Variants in FZD6 observed in about 807,000 individuals in gnomAD.
FZD6 encodes the protein frizzled class receptor 6.
FZD6 carries 49 observed loss-of-function variants against 61.4 expected under a neutral mutation model. That is an observed-to-expected ratio of 0.80 (90% CI 0.63 to 1.01). The LOEUF is 1.01. FZD6 is among the 50% of genes least tolerant of loss of function. The pLI is 0.00. For missense variants in FZD6, 724 were observed against 848.2 expected (o/e 0.85, Z 1.82); for synonymous variants, 265 against 292.2 (o/e 0.91, Z 0.95).
chr8:103,331,187 A>AC (rs11391112), intron 6 of FZD6, among the ~76,000 whole-genome samples, 154 bp from the exon 7 acceptor site: 1 of 151,746 alleles, frequency 6.6e-6, no homozygotes, highest in African/African-American at 2.4e-5. Context: ...TCAAAAAAAA[A>AC]ATTTGTATTT....
chr8:103,303,441 G>A (rs1303962222), intron 2 of FZD6, among the ~76,000 whole-genome samples: 1 of 152,030 alleles, frequency 6.6e-6, no homozygotes, highest in South Asian at 2.1e-4. Context: ...TACTTATAAT[G>A]TACAGTTGTT....
chr8:103,327,006 TGG>T (rs1814970327), intron 4 of FZD6, among the ~76,000 whole-genome samples: 1 of 152,234 alleles, frequency 6.6e-6, no homozygotes, highest in Non-Finnish European at 1.5e-5. Context: ...AACCACTGTG[TGG>T]TGAAACAATA....
upstream of FZD6, chr8:103,298,824 C>G (rs1318050501): frequency 1.2e-5 from 2 of 163,070 alleles, no homozygotes; most frequent in Non-Finnish European, 2.5e-5. Flanking sequence ...CCCGGACCTG[C>G]CCGCCCGACC....
At chr8:103,303,792 T>C (rs1441030754) in intron 2 of FZD6, among the ~76,000 whole-genome samples, 1 of 151,988 alleles carries the variant, frequency 6.6e-6, no homozygotes, top group Non-Finnish European at 1.5e-5. Flanking sequence ...CTATTTTGTT[T>C]CCCACATTAG....
At position 103,298,988 on chromosome 8, in the gene FZD6, C is replaced by T. The variant is rs1016510157; in HGVS notation, c.-160C>T. 2.0e-5 allele frequency: 3 copies of T among 152,488 alleles called. No homozygotes were observed. The highest frequency in any genetic ancestry group is 4.8e-5 in the African/African-American group (2 of 41,462). The allele number at this position is 152,488 out of a possible 1,614,324, so 9.4% of individuals were successfully genotyped here. On this transcript the variant is annotated 5_prime_UTR_variant, in exon 1 of 7. Coordinates refer to ENST00000358755, the MANE Select transcript of FZD6 (RefSeq NM_003506.4). The stretch of plus-strand genomic sequence containing the variant: ...GGAAGGGACAGCGGCCTTCGACCGC[C>T]CCCCGAGGTGAGGCTTCCACGGCTG...
chr8:103,304,317 A>G (rs1235674042), intron 2 of FZD6, among the ~76,000 whole-genome samples: 2 of 152,218 alleles, frequency 1.3e-5, no homozygotes, highest in Non-Finnish European at 2.9e-5. Flanking sequence ...CTGTGATTAT[A>G]TGAGATGGTT....
Position 103,324,965 on chromosome 8 carries a change from A to G in FZD6, c.859A>G (p.Met287Val). The G allele has an allele frequency of 1.2e-6, 2 of 1,614,086 alleles. No individual in the cohort carries two copies. Among genetic ancestry groups the G allele is most frequent in the Non-Finnish European group, 8.5e-7 (1 of 1,180,000 alleles). The change falls in exon 4 of 7, where the codon ATG becomes GTG. Residue 287 changes from methionine to valine, a missense_variant. Physicochemically the swap from Met to Val is conservative, Grantham distance 21. Transcript: ENST00000358755. ...SQNKACTVLF[M>V]LLYFFTMAGT... ...AAATAAGGCTTGCACCGTTTTGTTCATGCTTTTGTATTTTTTCACAATGGC... is the reference window on the plus strand; with the variant it reads ...AAATAAGGCTTGCACCGTTTTGTTCGTGCTTTTGTATTTTTTCACAATGGC...
chr8:103,320,450 AG>A lies in FZD6; in HGVS notation c.374+1666del, dbSNP rs535425310. Among the ~76,000 whole-genome samples the A allele has an allele frequency of 1.2e-3, 185 of 152,220 alleles. 3 individuals are homozygous for A. The highest frequency in any genetic ancestry group is 4.3e-3 in the African/African-American group (177 of 41,548). On this transcript the variant is annotated intron_variant, in intron 3 of 6. Coordinates refer to ENST00000358755, the MANE Select transcript of FZD6 (RefSeq NM_003506.4). ...TCAGATGGATTCAGTGCAAAGATAA[AG>A]GTGCACTAAAAAATGAAGGATAATG...
At chr8:103,308,357 A>G (rs1307488167) in intron 2 of FZD6, among the ~76,000 whole-genome samples, 2 of 152,168 alleles carry the variant, frequency 1.3e-5, no homozygotes, top group African/African-American at 4.8e-5. Context: ...AGTTCTGTAG[A>G]ACTCTTCCAA....
At chr8:103,317,767 G>A (rs1321285807) in intron 2 of FZD6, among the ~76,000 whole-genome samples, 3 of 151,200 alleles carry the variant, frequency 2.0e-5, no homozygotes, top group Admixed American at 6.6e-5. Flanking sequence ...CAGAGGTTGT[G>A]GTGAGCTGAG....
At chr8:103,304,783 A>G (rs2948449) in intron 2 of FZD6, among the ~76,000 whole-genome samples, 27,263 of 152,190 alleles carry the variant, frequency 0.18, 2,657 homozygotes, top group Middle Eastern at 0.32. Flanking sequence ...ATAAGTGGAC[A>G]TTATTGTGCA....
intron 1 of FZD6, among the ~76,000 whole-genome samples, chr8:103,299,294 G>A (rs74949239): frequency 0.025 from 3,734 of 152,330 alleles, 159 homozygotes; most frequent in African/African-American, 0.085. Context: ...GTGTGTTGGG[G>A]CGCGGGTAAT....
intron 3 of FZD6, among the ~76,000 whole-genome samples, chr8:103,323,142 T>C (rs1022641443): frequency 8.5e-5 from 13 of 152,196 alleles, no homozygotes; most frequent in African/African-American, 3.1e-4. Context: ...TATAAGGTTA[T>C]AGTTAGTAAA....
At chr8:103,308,721 C>T (rs1350663047) in intron 2 of FZD6, among the ~76,000 whole-genome samples, 3 of 152,146 alleles carry the variant, frequency 2.0e-5, no homozygotes, top group African/African-American at 7.2e-5. Flanking sequence ...ATCTATCCAG[C>T]CACTTGAAGA....
Position 103,332,545 on chromosome 8 carries a change from A to G in FZD6, c.*1036A>G, listed in dbSNP as rs1815172463. 1 of 152,398 alleles carries G rather than the reference A, an allele frequency of 6.6e-6. No individual in the cohort carries two copies. The highest frequency in any genetic ancestry group is 1.5e-5 in the Non-Finnish European group (1 of 68,014). The allele number at this position is 152,398 out of a possible 1,614,324, so 9.4% of individuals were successfully genotyped here. ...GTGATAGCGATATTAGTGCCAATCA[A>G]ATGGAAAAAAGGTAGTTTTAATAAA... On this transcript the variant is annotated 3_prime_UTR_variant, in exon 7 of 7. Transcript: ENST00000358755.
intron 2 of FZD6, among the ~76,000 whole-genome samples, chr8:103,310,017 G>T (rs915057577): frequency 6.6e-6 from 1 of 152,086 alleles, no homozygotes; most frequent in Non-Finnish European, 1.5e-5. Flanking sequence ...GATGGGGCAG[G>T]GGGCTATTTA....
intron 2 of FZD6, among the ~76,000 whole-genome samples, chr8:103,309,762 C>T (rs546972488): frequency 2.0e-5 from 3 of 152,296 alleles, no homozygotes; most frequent in African/African-American, 7.2e-5. Flanking sequence ...TCCAAAAGCC[C>T]AGTCTCTCTG....
chr8:103,321,533 T>A (rs1814787749), intron 3 of FZD6, among the ~76,000 whole-genome samples: 1 of 152,204 alleles, frequency 6.6e-6, no homozygotes, highest in African/African-American at 2.4e-5. Context: ...TCTAGCATAA[T>A]GAAAGATTTA....
At chr8:103,311,944 G>C (rs1471028456) in intron 2 of FZD6, among the ~76,000 whole-genome samples, 1 of 152,066 alleles carries the variant, frequency 6.6e-6, no homozygotes, top group Non-Finnish European at 1.5e-5. Context: ...AAACTAAATA[G>C]TTAGAATTAA....
Sources: allele counts gnomAD v4.1 joint callset (sites outside exome capture counted in the v4.1 genomes callset), GRCh38; gene constraint gnomAD v4.1.1; transcripts MANE v1.5; gene names NCBI Gene and HGNC (gene_info 2026-07-23, HGNC 2026-07-21).